Variants in FAM135A observed in about 807,000 individuals in gnomAD.
The protein encoded by FAM135A is protein FAM135A.
In FAM135A, 79 loss-of-function variants were observed where a neutral mutation model predicts 146.8. The observed-to-expected ratio is 0.54, with a 90% CI of 0.45 to 0.65. The LOEUF (loss-of-function observed/expected upper bound fraction) is 0.65, where lower values mean the gene tolerates loss of function less well. FAM135A is among the 30% of genes least tolerant of loss of function. The pLI, the probability that FAM135A is intolerant of heterozygous loss-of-function variation, is 0.00. For synonymous variants in FAM135A, 562 were observed against 603.6 expected (o/e 0.93, Z 1.01); for missense variants, 1,623 against 1,758.2 (o/e 0.92, Z 1.38).
At chr6:70,519,552 T>C (rs921981557) in intron 12 of FAM135A, among the ~76,000 whole-genome samples, 1 of 152,352 alleles carries the variant, frequency 6.6e-6, no homozygotes, top group Non-Finnish European at 1.5e-5. Context: ...AACTTCATTG[T>C]TGTAATTTAA....
intron 10 of FAM135A, among the ~76,000 whole-genome samples, chr6:70,489,195 A>T (rs1409930259): frequency 1.3e-5 from 2 of 152,186 alleles, no homozygotes; most frequent in East Asian, 3.8e-4. Context: ...ACAGGAAAAG[A>T]TCATGAGTAA....
chr6:70,472,740 T>C (rs1334286959), intron 5 of FAM135A, among the ~76,000 whole-genome samples: 1 of 152,326 alleles, frequency 6.6e-6, no homozygotes, highest in Middle Eastern at 3.4e-3. Context: ...CCTGACACTT[T>C]TGTGGAGACT....
chr6:70,421,157 T>C (rs1191443198), intron 2 of FAM135A, among the ~76,000 whole-genome samples: 1 of 152,158 alleles, frequency 6.6e-6, no homozygotes, highest in Non-Finnish European at 1.5e-5. Flanking sequence ...GTGCTGGGAT[T>C]ATAGGTGTGA....
At chr6:70,488,732 C>T (rs1785225181) in intron 10 of FAM135A, among the ~76,000 whole-genome samples, 1 of 152,016 alleles carries the variant, frequency 6.6e-6, no homozygotes, top group African/African-American at 2.4e-5. Context: ...ATGACATATT[C>T]ATCTTTCTTA....
rs1562496909 is a variant in FAM135A at position 70,482,053 on chromosome 6, A to T, written c.722A>T (p.His241Leu). Reference protein sequence around the residue: ...DSFLHHAYRFHYTLCATLLLA... With the variant: ...DSFLHHAYRFLYTLCATLLLA... Reference sequence around the variant, plus strand: ...TTCCTACATCATGCGTATCGTTTTCATTATACACTTTGTGCCACTTTGCTG... The same window carrying T: ...TTCCTACATCATGCGTATCGTTTTCTTTATACACTTTGTGCCACTTTGCTG... The change falls in exon 10 of 22, where the codon CAT becomes CTT. Residue 241 changes from histidine (H) to leucine (L), a missense_variant. This residue lies in a region of FAM135A where 206 missense variants were observed against 194.7 expected (regional missense o/e 1.06). Coordinates refer to ENST00000418814, the MANE Select transcript of FAM135A (RefSeq NM_001162529.3). 6.2e-7 allele frequency: 1 copy of T among 1,613,806 alleles called. No individual in the cohort carries two copies. Among genetic ancestry groups the T allele is most frequent in the Non-Finnish European group, 8.5e-7 (1 of 1,179,834 alleles).
At chr6:70,491,997 A>G (rs1786086421) in intron 11 of FAM135A, among the ~76,000 whole-genome samples, 1 of 151,944 alleles carries the variant, frequency 6.6e-6, no homozygotes, top group African/African-American at 2.4e-5. Flanking sequence ...AGTCCAAACC[A>G]AAATCCCACT....
At chr6:70,421,352 G>A (rs1329456108) in intron 2 of FAM135A, among the ~76,000 whole-genome samples, 3 of 152,076 alleles carry the variant, frequency 2.0e-5, no homozygotes, top group Admixed American at 2.0e-4. Flanking sequence ...CAGTTTTTCA[G>A]TCACAGTAGT....
intron 11 of FAM135A, among the ~76,000 whole-genome samples, chr6:70,498,013 A>G (rs1181026544): frequency 6.6e-6 from 1 of 152,118 alleles, no homozygotes; most frequent in Non-Finnish European, 1.5e-5. Context: ...AGGAGTCCCT[A>G]CTTTTCCATT....
chr6:70,451,210 G>T (rs533576952), intron 4 of FAM135A, among the ~76,000 whole-genome samples: 1 of 152,264 alleles, frequency 6.6e-6, no homozygotes, highest in East Asian at 1.9e-4. Flanking sequence ...ACACTTAACT[G>T]TGTGTAAACC....
chr6:70,452,611 A>T, intron 5 of FAM135A, 40 bp downstream of exon 5: 2 of 1,445,220 alleles, frequency 1.4e-6, no homozygotes, highest in Non-Finnish European at 1.9e-6. Flanking sequence ...AAGTAATCTG[A>T]ATGGTCAATA....
intron 10 of FAM135A, among the ~76,000 whole-genome samples, chr6:70,487,851 AT>A (rs1562506761): frequency 6.6e-6 from 1 of 152,160 alleles, no homozygotes; most frequent in African/African-American, 2.4e-5. Context: ...AATAAGATCT[AT>A]TTTTTAAAAA....
At chr6:70,524,241 A>G in intron 14 of FAM135A, 102 bp from the exon 15 acceptor site, 1 of 1,381,244 alleles carries the variant, frequency 7.2e-7, no homozygotes, top group Non-Finnish European at 9.6e-7. Context: ...AGTTTTATTT[A>G]TGTTTGAGGA....
intron 8 of FAM135A, among the ~76,000 whole-genome samples, chr6:70,479,861 A>C (rs1264469282): frequency 6.6e-6 from 1 of 151,980 alleles, no homozygotes; most frequent in Non-Finnish European, 1.5e-5. Flanking sequence ...TTTTTATTTG[A>C]ACTGTTTCTT....
At chr6:70,433,567 T>C (rs933222094) in intron 4 of FAM135A, among the ~76,000 whole-genome samples, 1 of 151,964 alleles carries the variant, frequency 6.6e-6, no homozygotes, top group Non-Finnish European at 1.5e-5. Flanking sequence ...AGTCTTTAGG[T>C]TGGAGCTTGG....
chr6:70,464,360 G>A (rs115271627), intron 5 of FAM135A, among the ~76,000 whole-genome samples: 434 of 152,236 alleles, frequency 2.9e-3, no homozygotes, highest in African/African-American at 9.6e-3. Context: ...GAAGTTAGAC[G>A]AACATTCATT....
chr6:70,452,324 A>G (rs1195222205), intron 4 of FAM135A, among the ~76,000 whole-genome samples, 168 bp from the exon 5 acceptor site: 3 of 151,860 alleles, frequency 2.0e-5, no homozygotes, highest in Non-Finnish European at 4.4e-5. Context: ...CCATGTTTAT[A>G]TTTGATATGT....
At chr6:70,552,797 G>C (rs1414847360) in intron 20 of FAM135A, among the ~76,000 whole-genome samples, 1 of 151,936 alleles carries the variant, frequency 6.6e-6, no homozygotes, top group Non-Finnish European at 1.5e-5. Context: ...AATAAAAAAG[G>C]GTAGGGAGAG....
At chr6:70,556,620 C>G in intron 20 of FAM135A, 130 bp from the exon 21 acceptor site, 1 of 567,080 alleles carries the variant, frequency 1.8e-6, no homozygotes, top group Non-Finnish European at 3.0e-6. Context: ...AAAGGATCAT[C>G]AAGTATTGAC....
intron 11 of FAM135A, among the ~76,000 whole-genome samples, chr6:70,501,382 T>C (rs1031253856): frequency 1.3e-5 from 2 of 152,230 alleles, no homozygotes; most frequent in African/African-American, 4.8e-5. Flanking sequence ...TTCAGACTGC[T>C]GTGCTGGCAG....
Sources: gnomAD v4.1 joint callset for allele counts (sites outside exome capture counted in the v4.1 genomes callset) on GRCh38, gnomAD v4.1.1 for gene constraint, gnomAD v4.1.1 regional missense constraint, MANE v1.5 for transcripts, NCBI Gene and HGNC (gene_info 2026-07-23, HGNC 2026-07-21) for gene names.